The following LRRC56 variants were observed in gnomAD, a reference collection of about 807,000 sequenced individuals.
LRRC56 encodes the protein leucine-rich repeat-containing protein 56.
Under a neutral mutation model 47.8 loss-of-function variants are expected in LRRC56, and 41 were observed. That is an observed-to-expected ratio of 0.86 (90% confidence interval 0.67 to 1.11). LRRC56 has a LOEUF of 1.11. Among genes scored for constraint, LRRC56 ranks in the 50% most tolerant of loss-of-function variants. LRRC56 has a pLI of 0.00. For synonymous variants in LRRC56, 387 were observed against 311.2 expected, an observed-to-expected ratio of 1.24 and a Z score of -2.56; for missense variants, 759 against 704.2, an observed-to-expected ratio of 1.08 and a Z score of -0.88.
chr11:533,505 A>G (rs766801436), upstream of LRRC56: 1 of 1,613,428 alleles, frequency 6.2e-7, no homozygotes, highest in Non-Finnish European at 8.5e-7. Context: ...GCTTCGGGCG[A>G]GGTCCTGAGC....
chr11:540,848 C>T lies in LRRC56; in HGVS notation c.164C>T (p.Ser55Phe). The part of the protein sequence containing the change: ...LGEQLVEEYL[S>F]PARLQALARV... ...GAGCAGCTGGTGGAAGAGTACCTGT[C>T]CCCTGCCCGGCTGGTGAGTGTGGGC... Residue 55 changes from serine to phenylalanine, a missense_variant, in exon 4 of 14, where the codon TCC becomes TTC. Coordinates refer to ENST00000270115, the MANE Select transcript of LRRC56 (RefSeq NM_198075.4). 2.6e-6 allele frequency: 4 copies of T among 1,564,740 alleles called. No homozygotes were observed. The highest frequency in any genetic ancestry group is 1.4e-5 in the African/African-American group (1 of 74,034).
intron 6 of LRRC56, among the ~76,000 whole-genome samples, chr11:549,303 G>A (rs192989236): frequency 3.9e-5 from 6 of 152,320 alleles, no homozygotes; most frequent in South Asian, 2.1e-4. Flanking sequence ...CCTCCCAGCC[G>A]AGAGGGGCAG....
At chr11:533,290 G>A (rs2133985024), upstream of LRRC56, 1 of 1,596,158 alleles carries the variant, frequency 6.3e-7, no homozygotes, top group Non-Finnish European at 8.5e-7. Flanking sequence ...GCGAGGGGCC[G>A]CTGGGTCACA....
upstream of LRRC56, chr11:533,260 C>A (rs761782530): frequency 6.4e-7 from 1 of 1,564,102 alleles, no homozygotes; most frequent in African/African-American, 1.4e-5. Context: ...ACTGCCCTGC[C>A]GTCCCGGGAG....
At chr11:511,200 A>G in the LRRC56 span, among the ~76,000 whole-genome samples, 1 of 151,818 alleles carries the variant, frequency 6.6e-6, no homozygotes, top group Non-Finnish European at 1.5e-5. Flanking sequence ...GGGCGCCTGT[A>G]GTCCCAGCTA....
chr11:508,113 G>A, the LRRC56 span, among the ~76,000 whole-genome samples: 1 of 152,242 alleles, frequency 6.6e-6, no homozygotes, highest in Non-Finnish European at 1.5e-5. Flanking sequence ...GAAACTAACG[G>A]TATCTCAGAT....
At chr11:511,099 A>C in the LRRC56 span, among the ~76,000 whole-genome samples, 1 of 152,048 alleles carries the variant, frequency 6.6e-6, no homozygotes, top group Non-Finnish European at 1.5e-5. Context: ...AGGCGGGCGG[A>C]TCACAAGGTC....
the LRRC56 span, among the ~76,000 whole-genome samples, chr11:531,251 C>A: frequency 6.6e-6 from 1 of 152,100 alleles, no homozygotes; most frequent in Admixed American, 6.5e-5. Flanking sequence ...GCAGCCCTGG[C>A]CAGCCAGCGG....
the LRRC56 span, among the ~76,000 whole-genome samples, chr11:522,751 C>A: frequency 6.6e-6 from 1 of 151,958 alleles, no homozygotes; most frequent in Non-Finnish European, 1.5e-5. Flanking sequence ...TATACATTTT[C>A]TTTTCTTTTG....
chr11:521,401 T>A, the LRRC56 span, among the ~76,000 whole-genome samples: 2 of 152,112 alleles, frequency 1.3e-5, no homozygotes, highest in Non-Finnish European at 2.9e-5. Context: ...CTGAACCACC[T>A]GGGCTCAAGC....
chr11:553,750 C>T (rs971566588), intron 13 of LRRC56, among the ~76,000 whole-genome samples: 4 of 152,194 alleles, frequency 2.6e-5, no homozygotes, highest in African/African-American at 9.6e-5. Flanking sequence ...TTCGTGGCCT[C>T]CTTGCCTGCC....
the LRRC56 span, among the ~76,000 whole-genome samples, chr11:510,752 C>CA: frequency 2.0e-5 from 3 of 150,102 alleles, no homozygotes; most frequent in Non-Finnish European, 4.4e-5. Flanking sequence ...AAAAAAAATA[C>CA]AAAAAAATGA....
the LRRC56 span, among the ~76,000 whole-genome samples, chr11:511,289 C>T: frequency 1.3e-5 from 2 of 150,520 alleles, no homozygotes; most frequent in East Asian, 1.9e-4. Context: ...CCACTGCACT[C>T]CAGCCTGGGC....
the LRRC56 span, among the ~76,000 whole-genome samples, chr11:511,835 A>G: frequency 2.0e-5 from 3 of 152,308 alleles, no homozygotes; most frequent in East Asian, 5.8e-4. Context: ...ACCGGAAGAT[A>G]TTCAAAACAC....
chr11:533,940 G>C (rs2133991841), upstream of LRRC56: 1 of 1,611,098 alleles, frequency 6.2e-7, no homozygotes, highest in Non-Finnish European at 8.5e-7. Flanking sequence ...CTTCCGGTAG[G>C]AATCCTGCAG....
At chr11:531,090 CGAGTGTGGCGTCCCCTGGAGAGAAGGGG>C in the LRRC56 span, among the ~76,000 whole-genome samples, 1 of 95,240 alleles carries the variant, frequency 1.0e-5, no homozygotes, top group African/African-American at 4.5e-5. Flanking sequence ...GAGAGAAGGG[CGAGTGTGGCGTCCCCTGGAGAGAAGGGG>C]GAGTGTGGCG....
At chr11:520,789 C>G in the LRRC56 span, among the ~76,000 whole-genome samples, 4 of 152,246 alleles carry the variant, frequency 2.6e-5, no homozygotes, top group South Asian at 8.3e-4. Context: ...CTTTCTGTTC[C>G]CTGAGGCCGT....
At chr11:514,253 C>T in the LRRC56 span, among the ~76,000 whole-genome samples, 1 of 151,714 alleles carries the variant, frequency 6.6e-6, no homozygotes, top group Non-Finnish European at 1.5e-5. Flanking sequence ...CTTGGCCTCC[C>T]ACAGTGCTAG....
At chr11:534,606 C>T (rs1042961042), upstream of LRRC56, 11 of 542,826 alleles carry the variant, frequency 2.0e-5, no homozygotes, top group Middle Eastern at 4.8e-4. Context: ...GGGACCCAGC[C>T]CTCAAAGGCA....
Sources: allele counts gnomAD v4.1 joint callset (sites outside exome capture counted in the v4.1 genomes callset), GRCh38; gene constraint gnomAD v4.1.1; transcripts MANE v1.5; gene names NCBI Gene and HGNC (gene_info 2026-07-23, HGNC 2026-07-21).